The following ME1 variants were observed in gnomAD, a reference collection of about 807,000 sequenced individuals.
ME1 encodes the protein NADP-dependent malic enzyme.
ME1 carries 74 observed loss-of-function variants against 66.4 expected under a neutral mutation model. The observed-to-expected ratio is 1.11, with a 90% CI of 0.92 to 1.35. The LOEUF (loss-of-function observed/expected upper bound fraction) is 1.35. ME1 is among the 40% of genes most tolerant of loss of function. The pLI, the probability that ME1 is intolerant of heterozygous loss-of-function variation, is 0.00. For missense variants in ME1, 750 were observed against 694.1 expected (o/e 1.08, Z -0.90); for synonymous variants, 251 against 235.6 (o/e 1.07, Z -0.60).
intron 6 of ME1, among the ~76,000 whole-genome samples, chr6:83,309,302 A>C (rs1294848587): frequency 1.3e-5 from 2 of 152,148 alleles, no homozygotes; most frequent in East Asian, 3.9e-4. Context: ...TTTCATTAAC[A>C]GTTAAAAAAT....
chr6:83,251,412 T>C (rs951793597), intron 7 of ME1, among the ~76,000 whole-genome samples: 1 of 151,738 alleles, frequency 6.6e-6, no homozygotes, highest in Non-Finnish European at 1.5e-5. Context: ...AGAGAATCAC[T>C]GGAACCCAGG....
At chr6:83,387,367 T>C (rs1181009357) in intron 3 of ME1, among the ~76,000 whole-genome samples, 1 of 152,014 alleles carries the variant, frequency 6.6e-6, no homozygotes, top group African/African-American at 2.4e-5. Context: ...GAAGGTTTCT[T>C]TTTACATTTA....
chr6:83,425,223 T>C (rs1770346883), intron 1 of ME1, among the ~76,000 whole-genome samples: 1 of 152,064 alleles, frequency 6.6e-6, no homozygotes. Context: ...CTTGAACTCC[T>C]GGGCTCAAGT....
chr6:83,414,422 ATT>A (rs1770120378), intron 1 of ME1, among the ~76,000 whole-genome samples: 1 of 152,104 alleles, frequency 6.6e-6, no homozygotes, highest in Non-Finnish European at 1.5e-5. Flanking sequence ...ATATAAAGTA[ATT>A]TTAACCTGTT....
At chr6:83,355,772 A>G (rs769551919) in intron 3 of ME1, among the ~76,000 whole-genome samples, 4 of 152,166 alleles carry the variant, frequency 2.6e-5, no homozygotes, top group Non-Finnish European at 5.9e-5. Flanking sequence ...TTTTCAACAT[A>G]TACATATATA....
chr6:83,381,285 G>C (rs1769391984), intron 3 of ME1, among the ~76,000 whole-genome samples: 1 of 152,116 alleles, frequency 6.6e-6, no homozygotes, highest in East Asian at 1.9e-4. Context: ...GGGAGGGCAA[G>C]AAAGGATTGG....
At chr6:83,412,837 G>T (rs1175306438) in intron 1 of ME1, among the ~76,000 whole-genome samples, 1 of 152,140 alleles carries the variant, frequency 6.6e-6, no homozygotes, top group Non-Finnish European at 1.5e-5. Context: ...GGAAAAAAGG[G>T]TTTGACTTCA....
chr6:83,243,748 T>G (rs1790557244), intron 7 of ME1, among the ~76,000 whole-genome samples: 1 of 132,470 alleles, frequency 7.5e-6, no homozygotes, highest in South Asian at 2.1e-4. Context: ...AATTATATTA[T>G]ATTATATATT....
chr6:83,391,848 C>G (rs1006542929), intron 3 of ME1, among the ~76,000 whole-genome samples: 6 of 152,142 alleles, frequency 3.9e-5, no homozygotes, highest in Non-Finnish European at 8.8e-5. Flanking sequence ...CCCAACTCCT[C>G]CAATATCATC....
intron 7 of ME1, among the ~76,000 whole-genome samples, chr6:83,243,401 A>T (rs1219050126): frequency 5.0e-5 from 3 of 60,190 alleles, no homozygotes; most frequent in African/African-American, 2.1e-4. Flanking sequence ...TTTATATAAT[A>T]TATTATATAA....
chr6:83,348,007 T>G (rs1286602182), intron 4 of ME1, among the ~76,000 whole-genome samples: 1 of 152,214 alleles, frequency 6.6e-6, no homozygotes, highest in Non-Finnish European at 1.5e-5. Flanking sequence ...CTAAGATATT[T>G]TATTTAATTT....
At chr6:83,245,044 G>C (rs1790592831) in intron 7 of ME1, among the ~76,000 whole-genome samples, 1 of 152,124 alleles carries the variant, frequency 6.6e-6, no homozygotes, top group Non-Finnish European at 1.5e-5. Context: ...ATGGATGGCA[G>C]TATTCCGAGG....
At chr6:83,218,758 G>A (rs1790036909) in intron 12 of ME1, among the ~76,000 whole-genome samples, 1 of 152,226 alleles carries the variant, frequency 6.6e-6, no homozygotes, top group Non-Finnish European at 1.5e-5. Context: ...ATTTGAAGAA[G>A]TAGTCTTTAA....
At chr6:83,396,020 A>G (rs1769725015) in intron 3 of ME1, among the ~76,000 whole-genome samples, 1 of 152,156 alleles carries the variant, frequency 6.6e-6, no homozygotes, top group African/African-American at 2.4e-5. Context: ...TTTCTAATAC[A>G]CTAACTATAA....
At chr6:83,272,050 T>C (rs569922720) in intron 6 of ME1, among the ~76,000 whole-genome samples, 7 of 152,320 alleles carry the variant, frequency 4.6e-5, no homozygotes, top group African/African-American at 1.7e-4. Flanking sequence ...TGCACAATTT[T>C]GCATTTCAAG....
At chr6:83,252,908 T>C (rs1393113325) in intron 7 of ME1, among the ~76,000 whole-genome samples, 1 of 152,134 alleles carries the variant, frequency 6.6e-6, no homozygotes. Context: ...GAGTCAACAA[T>C]GTGGAATGCT....
intron 5 of ME1, among the ~76,000 whole-genome samples, chr6:83,334,069 T>G (rs1289280210): frequency 2.6e-5 from 4 of 152,068 alleles, no homozygotes; most frequent in African/African-American, 7.2e-5. Context: ...TTCTTCTCAC[T>G]AGGGAGTGCC....
At chr6:83,257,789 T>C (rs529478764) in intron 6 of ME1, among the ~76,000 whole-genome samples, 58 of 152,314 alleles carry the variant, frequency 3.8e-4, no homozygotes, top group African/African-American at 1.3e-3. Context: ...CATGAGGTGC[T>C]TGTAATGGCT....
At chr6:83,273,665 G>A (rs1767125918) in intron 6 of ME1, among the ~76,000 whole-genome samples, 1 of 152,166 alleles carries the variant, frequency 6.6e-6, no homozygotes. Flanking sequence ...AGATTCAGAT[G>A]ATTGAATTTA....
Sources: gnomAD v4.1 joint callset for allele counts (sites outside exome capture counted in the v4.1 genomes callset) on GRCh38, gnomAD v4.1.1 for gene constraint, MANE v1.5 for transcripts, NCBI Gene and HGNC (gene_info 2026-07-23, HGNC 2026-07-21) for gene names.